Variants in SGK1 observed in about 807,000 individuals in gnomAD.
SGK1 encodes the protein serum/glucocorticoid regulated kinase 1.
A neutral mutation model predicts 64.2 loss-of-function variants in SGK1; 26 were observed. The ratio of observed to expected loss-of-function variants is 0.40; its 90% confidence interval spans 0.30 to 0.56. The LOEUF is 0.56. Ranked by LOEUF, SGK1 falls within the 20% of genes least tolerant of loss-of-function variation. The probability of loss-of-function intolerance (pLI) is 0.38; values close to 1 mark genes in which losing one functional copy is unlikely to be tolerated. For synonymous variants in SGK1, 265 were observed against 239.7 expected (o/e 1.11, Z -0.98); for missense variants, 519 against 645.6 (o/e 0.80, Z 2.12).
Position 134,173,122 on chromosome 6 carries a change from C to T in SGK1, c.735G>A (p.Leu245=), listed in dbSNP as rs1278470489. ...GGAAAGGGTGCTTCACATTCTTCAA[C>T]AGAACATTCCGCTCCGACATAATAT... ...EKHIMSERNV[L]LKNVKHPFLV... The change falls in exon 8 of 14, where the codon CTG becomes CTA. Residue 245 remains leucine (L), a synonymous_variant. Coordinates refer to ENST00000367858, the MANE Select transcript of SGK1 (RefSeq NM_001143676.3). 1.9e-6 allele frequency: 3 copies of T among 1,614,064 alleles called. No individual in the cohort carries two copies. Among genetic ancestry groups the T allele is most frequent in the Non-Finnish European group, 1.7e-6 (2 of 1,179,962 alleles).
At chr6:134,238,723 A>G (rs1205856641) in intron 2 of SGK1, among the ~76,000 whole-genome samples, 1 of 152,178 alleles carries the variant, frequency 6.6e-6, no homozygotes, top group Non-Finnish European at 1.5e-5. Context: ...AATGTGGAAC[A>G]CATTAAAGTA....
chr6:134,215,604 C>T (rs904207138), intron 2 of SGK1, among the ~76,000 whole-genome samples: 5 of 151,910 alleles, frequency 3.3e-5, no homozygotes, highest in Non-Finnish European at 7.4e-5. Context: ...TGAGCACATG[C>T]GCGCGGTGGC....
intron 2 of SGK1, among the ~76,000 whole-genome samples, chr6:134,255,548 A>G (rs1776670000): frequency 6.6e-6 from 1 of 151,504 alleles, no homozygotes; most frequent in South Asian, 2.1e-4. Flanking sequence ...CTCTGTCTCA[A>G]AAACAAACAA....
intron 1 of SGK1, among the ~76,000 whole-genome samples, chr6:134,283,873 CAAAAA>C (rs35999916): frequency 6.1e-3 from 159 of 26,096 alleles, no homozygotes; most frequent in East Asian, 0.015. Flanking sequence ...CTGCCACCAC[CAAAAA>C]AAAAAAAAAA....
chr6:134,212,059 G>GT lies in SGK1; in HGVS notation c.286-4629dup, dbSNP rs1429444754. On this transcript the variant is annotated intron_variant, in intron 2 of 13. Coordinates refer to ENST00000367858, the MANE Select transcript of SGK1 (RefSeq NM_001143676.3). ...CCTGTTTTTTTGTTTTTTGTTTTTT[G>GT]TTTTTTTTGGGGGGGACGGAGTCTC... Among the ~76,000 whole-genome samples the GT allele has an allele frequency of 6.6e-3, 414 of 63,194 alleles. 3 individuals carry two copies. The highest frequency in any genetic ancestry group is 0.017 in the African/African-American group (374 of 21,514). 41.5% of individuals were successfully genotyped at this position (63,194 alleles called of 152,430 possible).
intron 1 of SGK1, among the ~76,000 whole-genome samples, chr6:134,308,700 G>A (rs969776262): frequency 3.9e-5 from 6 of 151,976 alleles, no homozygotes; most frequent in African/African-American, 7.2e-5. Flanking sequence ...GGGATTACAG[G>A]TGCACGCCAC....
rs199923272 is a variant in SGK1 at position 134,174,596 on chromosome 6, A to C, written c.362-10T>G. The C allele has an allele frequency of 6.2e-7, 1 of 1,612,706 alleles. No individual in the cohort carries two copies. The highest frequency in any genetic ancestry group is 1.3e-5 in the African/African-American group (1 of 74,908). On this transcript the variant is annotated splice_polypyrimidine_tract_variant and intron_variant, in intron 3 of 13. Transcript: ENST00000367858. ...CTCTGCTTCATGAAAGCTGTGGATG[A>C]AGGAGGAGAAATAAAGAAACGTTTA...
At chr6:134,265,608 T>A (rs943002669) in intron 1 of SGK1, among the ~76,000 whole-genome samples, 9 of 140,866 alleles carry the variant, frequency 6.4e-5, no homozygotes, top group Non-Finnish European at 1.4e-4. Flanking sequence ...CATATATATT[T>A]TATATATATA....
At chr6:134,252,774 T>C (rs1430049202) in intron 2 of SGK1, among the ~76,000 whole-genome samples, 2 of 152,108 alleles carry the variant, frequency 1.3e-5, no homozygotes, top group African/African-American at 2.4e-5. Context: ...ATAAGGACTA[T>C]TGTGGGTGAT....
rs1171822726 is a variant in SGK1 at position 134,272,390 on chromosome 6, G to A, written c.70-10242C>T. ...GCTGGTCTCAAACTTCTGACCTCAG[G>A]TTATCTGCCCACCTTGGCCTCCCAG... On this transcript the variant is annotated intron_variant, in intron 1 of 13. Transcript: ENST00000367858. Among the ~76,000 whole-genome samples, 2 of 144,422 alleles carry A rather than the reference G, an allele frequency of 1.4e-5. 1 individual carries two copies. Among genetic ancestry groups the A allele is most frequent in the African/African-American group, 5.0e-5 (2 of 40,358 alleles). The allele number at this position is 144,422 out of a possible 152,430, so 94.7% of individuals were successfully genotyped here.
At chr6:134,281,983 A>T (rs1777101176) in intron 1 of SGK1, among the ~76,000 whole-genome samples, 1 of 152,188 alleles carries the variant, frequency 6.6e-6, no homozygotes, top group Non-Finnish European at 1.5e-5. Flanking sequence ...AAGCAGTTCA[A>T]GTGGAAAATT....
intron 2 of SGK1, among the ~76,000 whole-genome samples, chr6:134,256,798 T>C (rs1379020877): frequency 1.3e-5 from 2 of 152,182 alleles, no homozygotes; most frequent in East Asian, 1.9e-4. Context: ...ACAGCACTCC[T>C]CGGGATATCA....
At position 134,170,907 on chromosome 6, in the gene SGK1, A is replaced by G. The variant is rs1308921647; in HGVS notation, c.1332T>C (p.Ile444=). ...TTAAGGAGAAGAAGACATGACTCTT[A>G]ATCTCCATCTGTTGATAAGAAACCC... ...RLGAKDDFME[I]KSHVFFSLIN... is the part of the protein sequence containing the mutation. Residue 444 remains isoleucine, a synonymous_variant, in exon 13 of 14, where the codon ATT becomes ATC. Transcript: ENST00000367858. 1.2e-6 allele frequency: 2 copies of G among 1,609,800 alleles called. No individual in the cohort carries two copies. Among genetic ancestry groups the G allele is most frequent in the Non-Finnish European group, 1.7e-6 (2 of 1,176,100 alleles).
At chr6:134,234,375 C>G (rs936261987) in intron 2 of SGK1, among the ~76,000 whole-genome samples, 2 of 152,018 alleles carry the variant, frequency 1.3e-5, no homozygotes, top group Non-Finnish European at 2.9e-5. Flanking sequence ...TGCACTCCAG[C>G]CTGGGCAAGA....
intron 1 of SGK1, chr6:134,298,022 C>T: frequency 1.1e-6 from 1 of 902,516 alleles, no homozygotes; most frequent in Non-Finnish European, 1.9e-6. Flanking sequence ...GGGACTGCAG[C>T]TCCCGATCTC....
rs539691787 is a variant in SGK1, at chr6:134,177,848, C to A, written c.362-3262G>T. Reference sequence around the variant, plus strand: ...GAGAGCACGAGCCAGAGACGGCTATCCCTGTTCTGTTATGAACCCCACTTT... The same window carrying A: ...GAGAGCACGAGCCAGAGACGGCTATACCTGTTCTGTTATGAACCCCACTTT... On this transcript the variant is annotated intron_variant, in intron 3 of 13. Transcript: ENST00000367858. 16 of 1,600,034 alleles carry A rather than the reference C, an allele frequency of 1.0e-5. No homozygotes were observed. The South Asian group carries it at 1.8e-4, about 18-fold the overall frequency.
rs531069772 is a variant in SGK1 at position 134,222,814 on chromosome 6, A to G, written c.286-15383T>C. ...TGACCAGGTTTTCTTGCACTCATCA[A>G]AAGCATATTTCTTTCCAGTAGTTTC... On this transcript the variant is annotated intron_variant, in intron 2 of 13. Transcript: ENST00000367858. Among the ~76,000 whole-genome samples, 3 of 152,356 alleles carry G rather than the reference A, an allele frequency of 2.0e-5. 1 individual carries two copies. In the East Asian group the frequency reaches 5.8e-4, roughly 29 times the overall value.
rs370528468 is a variant in SGK1 at position 134,170,443 on chromosome 6, G to A, written c.1414-8C>T. 1.4e-5 allele frequency: 23 copies of A among 1,605,372 alleles called. No homozygotes were observed. The highest frequency in any genetic ancestry group is 1.7e-4 in the Middle Eastern group (1 of 5,844). ...TAGGTCGTTGGGCCCACTCTGTGAC[G>A]GGAAGGGAAAAACACTCTTGTCAAG... is the stretch of plus-strand genomic sequence containing the variant. On this transcript the variant is annotated splice_region_variant and splice_polypyrimidine_tract_variant and intron_variant, in intron 13 of 13. Coordinates refer to ENST00000367858, the MANE Select transcript of SGK1 (RefSeq NM_001143676.3).
At chr6:134,274,062 G>A (rs1393758654) in intron 1 of SGK1, among the ~76,000 whole-genome samples, 1 of 151,948 alleles carries the variant, frequency 6.6e-6, no homozygotes, top group South Asian at 2.1e-4. Context: ...GGAGTGCAGT[G>A]GTGCGATCTT....
Sources: gnomAD v4.1 joint callset for allele counts (sites outside exome capture counted in the v4.1 genomes callset) on GRCh38, gnomAD v4.1.1 for gene constraint, MANE v1.5 for transcripts, NCBI Gene and HGNC (gene_info 2026-07-23, HGNC 2026-07-21) for gene names.